Variants in CPM observed in about 807,000 individuals in gnomAD.
CPM encodes the protein carboxypeptidase M.
In CPM, 35 loss-of-function variants were observed where a neutral mutation model predicts 46.4. That is an observed-to-expected ratio of 0.75 (90% CI 0.58 to 1.00). CPM has a LOEUF of 1.00. Ranked by LOEUF, CPM falls within the 50% of genes least tolerant of loss-of-function variation. The pLI is 0.00. For missense variants in CPM, 422 were observed against 530.4 expected (o/e 0.80, Z 2.01); for synonymous variants, 195 against 195.3 (o/e 1.00, Z 0.01).
chr12:68,878,847 A>G (rs1312332476), intron 3 of CPM, among the ~76,000 whole-genome samples: 1 of 152,214 alleles, frequency 6.6e-6, no homozygotes, highest in African/African-American at 2.4e-5. Flanking sequence ...TCTTTAAGAA[A>G]CTAAGGCTTA....
intron 6 of CPM, among the ~76,000 whole-genome samples, chr12:68,867,913 G>A (rs574767701): frequency 6.6e-6 from 1 of 152,344 alleles, no homozygotes; most frequent in African/African-American, 2.4e-5. Flanking sequence ...CAAGCGTGGA[G>A]GGGGCAGTTC....
intron 2 of CPM, chr12:68,914,130 G>A: frequency 2.1e-6 from 1 of 483,344 alleles, no homozygotes; most frequent in Non-Finnish European, 3.8e-6. Context: ...CCTGAAGAAT[G>A]AATCCATTCT....
intron 2 of CPM, among the ~76,000 whole-genome samples, chr12:68,897,246 A>G (rs537626400): frequency 7.9e-5 from 12 of 151,966 alleles, no homozygotes; most frequent in Admixed American, 2.6e-4. Context: ...CCCAATCATT[A>G]TAATTCTTCC....
chr12:68,894,573 T>C (rs745873359), intron 2 of CPM, among the ~76,000 whole-genome samples: 9 of 152,194 alleles, frequency 5.9e-5, no homozygotes, highest in East Asian at 1.9e-4. Context: ...AATGGCTTCA[T>C]TGGATTTTCT....
intron 1 of CPM, among the ~76,000 whole-genome samples, chr12:68,954,917 C>T (rs61926316): frequency 0.17 from 25,137 of 152,158 alleles, 2,180 homozygotes; most frequent in Middle Eastern, 0.2. Flanking sequence ...AAGCCATGTG[C>T]AGTACGTCTG....
Position 68,944,391 on chromosome 12 carries a change from A to G in CPM, c.-3-11551T>C, listed in dbSNP as rs74949292. ...AAAATTACAGGATATTATGAGACAT[A>G]CTATCAGAACGTACTTACTTTTTTT... is the stretch of plus-strand genomic sequence containing the variant. On this transcript the variant is annotated intron_variant, in intron 1 of 8. Coordinates refer to the CPM transcript ENST00000546373. 1.5e-4 allele frequency among the ~76,000 whole-genome samples: 23 copies of G among 152,264 alleles called. No individual in the cohort carries two copies. In the East Asian group the frequency reaches 3.7e-3, roughly 24 times the overall value.
chr12:68,864,405 A>C (rs939042515), intron 7 of CPM, among the ~76,000 whole-genome samples: 4 of 152,208 alleles, frequency 2.6e-5, no homozygotes, highest in African/African-American at 9.7e-5. Flanking sequence ...TCATCACACC[A>C]TTGCACTCCA....
intron 2 of CPM, among the ~76,000 whole-genome samples, chr12:68,893,148 A>AT (rs1886725276): frequency 2.0e-5 from 1 of 50,390 alleles, no homozygotes; most frequent in South Asian, 8.1e-4. Context: ...ACAAAAACTG[A>AT]CAAAAAAAAA....
chr12:68,941,156 A>C (rs946042164), intron 1 of CPM, among the ~76,000 whole-genome samples: 5 of 145,846 alleles, frequency 3.4e-5, no homozygotes, highest in Admixed American at 2.8e-4. Context: ...AGTAATTTGA[A>C]GATGTGCTGA....
chr12:68,911,565 A>T lies in CPM; in HGVS notation c.160+21113T>A, dbSNP rs1887596184. ...CCTAGCCCTGTGCCTGACATCAAAG[A>T]TGCCCTCAATAAACAGTAGTTTGAG... On this transcript the variant is annotated intron_variant, in intron 2 of 8. Coordinates refer to ENST00000551568, the MANE Select transcript of CPM (RefSeq NM_198320.5). 2.0e-5 allele frequency among the ~76,000 whole-genome samples: 3 copies of T among 152,324 alleles called. No homozygotes were observed. In the South Asian group the frequency reaches 6.2e-4, roughly 32 times the overall value.
rs752985109 is a variant in CPM, at chr12:68,858,933, T to C, written c.1079A>G (p.Tyr360Cys). 6.7e-7 allele frequency: 1 copy of C among 1,495,928 alleles called. No homozygotes were observed. Among genetic ancestry groups the C allele is most frequent in the Non-Finnish European group, 8.9e-7 (1 of 1,120,850 alleles). The allele number at this position is 1,495,928 out of a possible 1,614,324, so 92.7% of individuals were successfully genotyped here. A position where few individuals can be genotyped will look rare whatever the true frequency, so the allele number is the denominator to read the frequency against. Reference protein sequence around the residue: ...EYYLLLLPGSYIINVTVPGHD... With the variant: ...EYYLLLLPGSCIINVTVPGHD... ...GCATTGCATACTTACATTTATTATA[T>C]AAGACCCAGGCAAGAGAAGGAGATA... Residue 360 changes from tyrosine to cysteine, a missense_variant, in exon 8 of 9, where the codon TAT becomes TGT. Coordinates refer to ENST00000551568, the MANE Select transcript of CPM (RefSeq NM_198320.5).
intron 5 of CPM, chr12:68,844,786 A>G (rs974326849): frequency 3.0e-5 from 6 of 201,560 alleles, no homozygotes; most frequent in African/African-American, 1.4e-4. Flanking sequence ...TTATTTTTTG[A>G]GACGGAGTCT....
intron 1 of CPM, among the ~76,000 whole-genome samples, chr12:68,943,063 A>G (rs1888789738): frequency 1.3e-5 from 2 of 152,186 alleles, no homozygotes; most frequent in African/African-American, 4.8e-5. Flanking sequence ...GCTGATTTAT[A>G]AGTGTTATTC....
At chr12:68,861,669 C>T (rs1592634916) in intron 7 of CPM, among the ~76,000 whole-genome samples, 1 of 151,800 alleles carries the variant, frequency 6.6e-6, no homozygotes, top group Non-Finnish European at 1.5e-5. Flanking sequence ...GCTGGGATTA[C>T]AGGCACGCAC....
At chr12:68,890,364 A>C in intron 2 of CPM, among the ~76,000 whole-genome samples, 1 of 145,990 alleles carries the variant, frequency 6.8e-6, no homozygotes, top group Non-Finnish European at 1.5e-5. Context: ...CAGTTTTTTT[A>C]ATTTAAAAAA....
At chr12:68,958,089 T>C (rs564192582) in intron 1 of CPM, among the ~76,000 whole-genome samples, 40 of 152,328 alleles carry the variant, frequency 2.6e-4, no homozygotes, top group Middle Eastern at 6.8e-3. Context: ...TCCAGTCTAT[T>C]ATTGATGGAC....
rs897024273 is a variant in CPM, at chr12:68,924,134, A to G, written c.160+8544T>C. On this transcript the variant is annotated intron_variant, in intron 2 of 8. Coordinates refer to ENST00000551568, the MANE Select transcript of CPM (RefSeq NM_198320.5). ...AGACCAGCCTGGGCTACATAGTGAG[A>G]CACCTGTCTCTACTTAAAAAAAAAA... 2.0e-5 allele frequency among the ~76,000 whole-genome samples: 3 copies of G among 148,434 alleles called. No individual in the cohort carries two copies. In the Admixed American group the frequency reaches 2.0e-4, roughly 10 times the overall value.
chr12:68,850,679 G>A (rs1488503762), downstream of CPM: 1 of 152,074 alleles, frequency 6.6e-6, no homozygotes, highest in African/African-American at 2.4e-5. Context: ...TTGTTATTCA[G>A]AACAAAAGCC....
At chr12:68,929,883 T>A (rs1436118915) in intron 2 of CPM, among the ~76,000 whole-genome samples, 1 of 152,098 alleles carries the variant, frequency 6.6e-6, no homozygotes, top group Admixed American at 6.5e-5. Context: ...AAGCAGAATA[T>A]AATCCACAAT....
Sources: gnomAD v4.1 joint callset for allele counts (sites outside exome capture counted in the v4.1 genomes callset) on GRCh38, gnomAD v4.1.1 for gene constraint, MANE v1.5 for transcripts, NCBI Gene and HGNC (gene_info 2026-07-23, HGNC 2026-07-21) for gene names.